The following AUH variants were observed in gnomAD, a reference collection of about 807,000 sequenced individuals.
The protein encoded by AUH is AU RNA binding methylglutaconyl-CoA hydratase.
A neutral mutation model predicts 42.3 loss-of-function variants in AUH; 29 were observed. The ratio of observed to expected loss-of-function variants is 0.69; its 90% confidence interval spans 0.51 to 0.93. The LOEUF (loss-of-function observed/expected upper bound fraction) is 0.93. Ranked by LOEUF, AUH falls within the 40% of genes least tolerant of loss-of-function variation. The probability of loss-of-function intolerance (pLI) is 0.00; values close to 1 mark genes in which losing one functional copy is unlikely to be tolerated. For synonymous variants in AUH, 174 were observed against 166.4 expected (o/e 1.05, Z -0.35); for missense variants, 452 against 438.1 (o/e 1.03, Z -0.28).
intron 5 of AUH, 122 bp from the exon 6 acceptor site, chr9:91,296,199 TAAAA>T: frequency 9.9e-7 from 1 of 1,014,330 alleles, no homozygotes; most frequent in South Asian, 1.5e-5. Flanking sequence ...CACAAATTCT[TAAAA>T]AAAATCACTT....
chr9:91,311,964 A>C (rs1693803298), intron 4 of AUH, among the ~76,000 whole-genome samples: 1 of 152,214 alleles, frequency 6.6e-6, no homozygotes, highest in African/African-American at 2.4e-5. Context: ...AAATCTAAAA[A>C]TTCACCATTT....
At chr9:91,281,620 T>G (rs990073043) in intron 6 of AUH, among the ~76,000 whole-genome samples, 2 of 152,208 alleles carry the variant, frequency 1.3e-5, no homozygotes, top group Non-Finnish European at 2.9e-5. Flanking sequence ...CCCAACTTGC[T>G]TTTTGAATAG....
At chr9:91,296,118 C>T in intron 5 of AUH, 41 bp from the exon 6 acceptor site, 1 of 1,585,758 alleles carries the variant, frequency 6.3e-7, no homozygotes. Flanking sequence ...TCCATATCAT[C>T]ACATTCAAAT....
chr9:91,276,163 T>G (rs1825524667), intron 6 of AUH, among the ~76,000 whole-genome samples: 1 of 152,152 alleles, frequency 6.6e-6, no homozygotes, highest in African/African-American at 2.4e-5. Flanking sequence ...GCGCGGTGGC[T>G]CATGCCTATA....
At chr9:91,278,580 G>A (rs192215340) in intron 6 of AUH, among the ~76,000 whole-genome samples, 2 of 152,278 alleles carry the variant, frequency 1.3e-5, no homozygotes, top group Admixed American at 6.5e-5. Flanking sequence ...CGATTTCAAC[G>A]AATGGAAAAA....
In AUH at chr9:91,343,312, G is replaced by A. The variant is rs942332416; in HGVS notation, c.418+12571C>T. ...CTAGAAATAAGAGTAAATTAAACCCGAGGCAAACAGAGAGAAGAAAATAAT... is the reference window on the plus strand; with the variant it reads ...CTAGAAATAAGAGTAAATTAAACCCAAGGCAAACAGAGAGAAGAAAATAAT... On this transcript the variant is annotated intron_variant, in intron 3 of 9. Coordinates refer to ENST00000375731, the MANE Select transcript of AUH (RefSeq NM_001698.3). 4.6e-5 allele frequency: 7 copies of A among 151,970 alleles called. No individual in the cohort carries two copies. In the East Asian group the frequency reaches 1.3e-3, roughly 29 times the overall value. The allele number at this position is 151,970 out of a possible 1,614,324, so 9.4% of individuals were successfully genotyped here.
chr9:91,319,032 C>A (rs1829372600), intron 4 of AUH, among the ~76,000 whole-genome samples: 1 of 152,160 alleles, frequency 6.6e-6, no homozygotes, highest in Non-Finnish European at 1.5e-5. Flanking sequence ...TATTTATTGG[C>A]ATAAAGTTTT....
At chr9:91,355,820 C>G (rs1443092649) in intron 3 of AUH, 63 bp downstream of exon 3, 7 of 1,429,710 alleles carry the variant, frequency 4.9e-6, no homozygotes, top group Non-Finnish European at 6.9e-6. Flanking sequence ...TAATGGAAAA[C>G]AGATTACTAT....
At chr9:91,289,146 A>C (rs1405382504) in intron 6 of AUH, among the ~76,000 whole-genome samples, 1 of 152,214 alleles carries the variant, frequency 6.6e-6, no homozygotes, top group African/African-American at 2.4e-5. Context: ...CATTTGGATT[A>C]ACTTACAAAT....
chr9:91,287,533 T>C (rs1211063145), intron 6 of AUH, among the ~76,000 whole-genome samples: 7 of 152,166 alleles, frequency 4.6e-5, no homozygotes, highest in African/African-American at 1.7e-4. Context: ...TATAACATGT[T>C]AATATTTGAG....
intron 3 of AUH, among the ~76,000 whole-genome samples, chr9:91,325,971 A>C (rs1378288702): frequency 6.6e-6 from 1 of 152,224 alleles, no homozygotes; most frequent in Non-Finnish European, 1.5e-5. Flanking sequence ...GCATAGATTT[A>C]AAGTATGAAC....
intron 3 of AUH, among the ~76,000 whole-genome samples, chr9:91,333,589 T>C (rs1199325858): frequency 1.3e-5 from 2 of 152,240 alleles, no homozygotes; most frequent in Non-Finnish European, 2.9e-5. Flanking sequence ...ATTTCATATA[T>C]TCATGAATGA....
intron 4 of AUH, among the ~76,000 whole-genome samples, chr9:91,309,071 C>T (rs952311738): frequency 3.3e-5 from 5 of 151,196 alleles, no homozygotes; most frequent in South Asian, 4.2e-4. Flanking sequence ...GGATTACAGG[C>T]GTGAGCCACG....
rs1680096891 is a variant in AUH, at chr9:91,216,045, A to G, written c.942+14T>C. On this transcript the variant is annotated intron_variant, in intron 9 of 9. Coordinates refer to ENST00000375731, the MANE Select transcript of AUH (RefSeq NM_001698.3). ...AAGGGTCATCCTCATTGAATTTGTG[A>G]TTGCATTACATACCTGAGCATAACA... The G allele has an allele frequency of 1.9e-6, 3 of 1,603,994 alleles. No individual in the cohort carries two copies. Among genetic ancestry groups the G allele is most frequent in the Admixed American group, 1.7e-5 (1 of 59,992 alleles).
intron 1 of AUH, chr9:91,357,504 G>T: frequency 1.0e-6 from 1 of 964,884 alleles, no homozygotes; most frequent in Non-Finnish European, 1.2e-6. Context: ...AGCAGCCATG[G>T]AACTAGAGTC....
At chr9:91,284,173 T>G (rs1361357939) in intron 6 of AUH, among the ~76,000 whole-genome samples, 3 of 152,068 alleles carry the variant, frequency 2.0e-5, no homozygotes. Context: ...TCTACAACCA[T>G]CTGATCTTTG....
intron 6 of AUH, among the ~76,000 whole-genome samples, chr9:91,292,969 C>A (rs984711262): frequency 6.6e-5 from 10 of 152,112 alleles, no homozygotes; most frequent in African/African-American, 2.4e-4. Context: ...CAAACCTTTT[C>A]ATTATTGTAT....
At chr9:91,271,408 A>C (rs1825112467) in intron 6 of AUH, among the ~76,000 whole-genome samples, 1 of 152,262 alleles carries the variant, frequency 6.6e-6, no homozygotes, top group African/African-American at 2.4e-5. Flanking sequence ...TAATTATAGC[A>C]AATGGCATTC....
intron 3 of AUH, among the ~76,000 whole-genome samples, chr9:91,336,760 C>T (rs910027820): frequency 1.3e-5 from 2 of 151,752 alleles, no homozygotes; most frequent in Non-Finnish European, 2.9e-5. Flanking sequence ...ATCTAGGTTT[C>T]AAATACATCT....
Sources: gnomAD v4.1 joint callset for allele counts (sites outside exome capture counted in the v4.1 genomes callset) on GRCh38, gnomAD v4.1.1 for gene constraint, MANE v1.5 for transcripts, NCBI Gene and HGNC (gene_info 2026-07-23, HGNC 2026-07-21) for gene names.